Variants in CFAP92 observed in about 807,000 individuals in gnomAD.
CFAP92 encodes uncharacterized protein CFAP92.
In CFAP92, 86 loss-of-function variants were observed where a neutral mutation model predicts 106.3. The ratio of observed to expected loss-of-function variants is 0.81; its 90% CI spans 0.68 to 0.97. The LOEUF (loss-of-function observed/expected upper bound fraction) is 0.97, where lower values mean the gene tolerates loss of function less well. Among genes scored for constraint, CFAP92 ranks in the 50% least tolerant of loss-of-function variants. The pLI, the probability that CFAP92 is intolerant of heterozygous loss-of-function variation, is 0.00. For missense variants in CFAP92, 1,204 were observed against 1,283.8 expected, an observed-to-expected ratio of 0.94 and a Z score of 0.95; for synonymous variants, 477 against 506.4, an observed-to-expected ratio of 0.94 and a Z score of 0.78.
chr3:129,001,859 C>T (rs1235430252), intron 1 of CFAP92: 3 of 1,546,112 alleles, frequency 1.9e-6, no homozygotes, highest in East Asian at 2.5e-5. Flanking sequence ...TGCCCCGCGC[C>T]GACTTCCGAG....
chr3:128,912,438 C>T, intron 15 of CFAP92: 2 of 1,433,990 alleles, frequency 1.4e-6, no homozygotes, highest in Non-Finnish European at 2.0e-6. Flanking sequence ...AAAAATGCCC[C>T]CACTTCAGCC....
At chr3:128,936,793 G>C (rs1036514292) in intron 10 of CFAP92, among the ~76,000 whole-genome samples, 5 of 152,158 alleles carry the variant, frequency 3.3e-5, no homozygotes, top group African/African-American at 9.7e-5. Context: ...TGCCCAGTCT[G>C]TGTGTGTACC....
At chr3:129,002,155 T>A in intron 1 of CFAP92, 2 of 1,471,150 alleles carry the variant, frequency 1.4e-6, no homozygotes, top group Non-Finnish European at 1.8e-6. Context: ...CAGATCCGCC[T>A]GCGCCGTCCG....
intron 10 of CFAP92, among the ~76,000 whole-genome samples, chr3:128,936,441 T>C (rs1464832962): frequency 6.6e-6 from 1 of 152,246 alleles, no homozygotes; most frequent in East Asian, 1.9e-4. Flanking sequence ...ATGACTTTTA[T>C]GGTGTTGTGA....
chr3:128,918,564 C>T lies in CFAP92; in HGVS notation c.2752-2293G>A, dbSNP rs528287428. On this transcript the variant is annotated intron_variant, in intron 12 of 15. Transcript: ENST00000645291. ...GGATTCAAGGTTAGCAAGTAATGTC[C>T]GATAGCCTAGTAAAGTTGTCTTAAA... Among the ~76,000 whole-genome samples the T allele has an allele frequency of 1.2e-3, 183 of 152,148 alleles. 1 individual carries two copies. The highest frequency in any genetic ancestry group is 3.9e-3 in the African/African-American group (163 of 41,492).
chr3:129,014,658 C>T, the CFAP92 span, among the ~76,000 whole-genome samples: 4 of 152,192 alleles, frequency 2.6e-5, no homozygotes, highest in Non-Finnish European at 4.4e-5. The surrounding 1 kb of genome is among the most constrained non-coding windows in gnomAD (Gnocchi z 4.3). Context: ...ACAACCAGCC[C>T]ATCACAGGAG....
At chr3:129,010,810 G>C in the CFAP92 span, among the ~76,000 whole-genome samples, 1 of 152,088 alleles carries the variant, frequency 6.6e-6, no homozygotes, top group Non-Finnish European at 1.5e-5. The surrounding 1 kb of genome is among the most constrained non-coding windows in gnomAD (Gnocchi z 4.3). Context: ...CCTCCTCCAG[G>C]AACAATACTC....
chr3:129,025,922 C>T, the CFAP92 span, among the ~76,000 whole-genome samples: 5 of 152,226 alleles, frequency 3.3e-5, no homozygotes, highest in African/African-American at 1.2e-4. Flanking sequence ...TGGGCCGGGT[C>T]ATTCCAGAGC....
chr3:128,941,068 A>C (rs76523511), intron 10 of CFAP92, among the ~76,000 whole-genome samples: 5,602 of 152,216 alleles, frequency 0.037, 270 homozygotes, highest in African/African-American at 0.11. Context: ...CTCTCCACTT[A>C]TTTATGTCTT....
At chr3:128,961,790 G>A (rs1343926148) in intron 9 of CFAP92, among the ~76,000 whole-genome samples, 1 of 151,964 alleles carries the variant, frequency 6.6e-6, no homozygotes, top group South Asian at 2.1e-4. Context: ...ATTAAATTCC[G>A]GCCCTCAAAC....
Position 128,993,045 on chromosome 3 carries a change from A to G in CFAP92, c.260T>C (p.Met87Thr). The G allele has an allele frequency of 6.2e-7, 1 of 1,614,026 alleles. No individual in the cohort carries two copies. Among genetic ancestry groups the G allele is most frequent in the Non-Finnish European group, 8.5e-7 (1 of 1,179,886 alleles). Reference sequence around the variant, plus strand: ...TAAACTTCTGCTCTAGCACCTACCCATATTCACAGGGAAGGCCAGTGAGAT... The same window carrying G: ...TAAACTTCTGCTCTAGCACCTACCCGTATTCACAGGGAAGGCCAGTGAGAT... Reference protein sequence around the residue: ...FTISLAFPVNMGQKGKYASLI... With the variant: ...FTISLAFPVNTGQKGKYASLI... The change falls in exon 2 of 16, where the codon ATG (methionine) becomes ACG (threonine). Residue 87 changes from methionine (M) to threonine (T), a missense_variant and splice_region_variant. Met to Thr is a moderately conservative substitution (Grantham distance 81). Transcript: ENST00000645291.
In CFAP92 at chr3:128,993,091, C is replaced by T. The variant is rs551233910; in HGVS notation, c.214G>A (p.Val72Met). Residue 72 changes from valine (V) to methionine (M), a missense_variant, in exon 2 of 16, where the codon GTG becomes ATG. By Grantham distance (21) the Val-to-Met change is conservative. Coordinates refer to ENST00000645291, the MANE Select transcript of CFAP92 (RefSeq NM_001394090.1). ...GAGATGGTGAATTTGCAGGGGACCACGTGGGGCACGTCGGAGCTGAAAGTG... is the reference window on the plus strand; with the variant it reads ...GAGATGGTGAATTTGCAGGGGACCATGTGGGGCACGTCGGAGCTGAAAGTG... ...ASTFSSDVPH[V>M]VPCKFTISLA... is the part of the protein sequence containing the mutation. The T allele has an allele frequency of 1.2e-6, 2 of 1,614,100 alleles. No individual in the cohort carries two copies. Among genetic ancestry groups the T allele is most frequent in the African/African-American group, 2.7e-5 (2 of 75,076 alleles).
chr3:128,943,584 G>A (rs1322572800), intron 10 of CFAP92, among the ~76,000 whole-genome samples: 3 of 151,254 alleles, frequency 2.0e-5, no homozygotes, highest in Admixed American at 6.6e-5. Context: ...TTCCCAGGCT[G>A]GAGTGCAGTG....
chr3:128,962,633 ACG>A lies in CFAP92; in HGVS notation c.1353+2876_1353+2877del, dbSNP rs1266133647. ...TCTACTCCCTCCTTGGCAACTGATC[ACG>A]CACCCCTTACCATCTCATTAAAACC... On this transcript the variant is annotated intron_variant, in intron 9 of 15. Transcript: ENST00000645291. Among the ~76,000 whole-genome samples the A allele has an allele frequency of 2.0e-5, 3 of 152,090 alleles. No homozygotes were observed. The East Asian group carries it at 5.8e-4, about 29-fold the overall frequency.
At chr3:128,981,038 C>CTT (rs533356293) in intron 4 of CFAP92, among the ~76,000 whole-genome samples, 4 of 139,534 alleles carry the variant, frequency 2.9e-5, no homozygotes, top group African/African-American at 2.6e-5. Flanking sequence ...CTTTTTCTTT[C>CTT]TTTTTTTTTT....
chr3:129,004,922 C>A (rs1407939964), upstream of CFAP92, among the ~76,000 whole-genome samples: 1 of 152,164 alleles, frequency 6.6e-6, no homozygotes, highest in Non-Finnish European at 1.5e-5. Flanking sequence ...CCCTCACAGA[C>A]CCTGCTTCCT....
chr3:128,913,992 T>A (rs1296743531), intron 15 of CFAP92, among the ~76,000 whole-genome samples: 2 of 152,192 alleles, frequency 1.3e-5, no homozygotes, highest in Non-Finnish European at 2.9e-5. Flanking sequence ...TACATGCCAA[T>A]GGAGAATGGC....
chr3:128,978,939 GC>G (rs1943342690), intron 4 of CFAP92, among the ~76,000 whole-genome samples: 1 of 152,114 alleles, frequency 6.6e-6, no homozygotes, highest in East Asian at 1.9e-4. Context: ...GGTAACAAAA[GC>G]CAAAATTGAC....
chr3:128,984,511 C>T (rs1014053844), intron 4 of CFAP92, among the ~76,000 whole-genome samples: 1 of 152,228 alleles, frequency 6.6e-6, no homozygotes, highest in African/African-American at 2.4e-5. Context: ...CTTGGACCTA[C>T]ACCAGTGGTT....
Sources: gnomAD v4.1 joint callset for allele counts (sites outside exome capture counted in the v4.1 genomes callset) on GRCh38, gnomAD v4.1.1 for gene constraint, Gnocchi (gnomAD v3.1) non-coding constraint, MANE v1.5 for transcripts, NCBI Gene and HGNC (gene_info 2026-07-23, HGNC 2026-07-21) for gene names.